The following P3H2 variants were observed in gnomAD, a reference collection of about 807,000 sequenced individuals.
The protein encoded by P3H2 is leprecan-like 1.
P3H2 carries 80 observed loss-of-function variants against 87.0 expected under a neutral mutation model. The ratio of observed to expected loss-of-function variants is 0.92; its 90% confidence interval spans 0.77 to 1.11. The LOEUF (loss-of-function observed/expected upper bound fraction) is 1.11, where lower values mean the gene tolerates loss of function less well. Ranked by LOEUF, P3H2 falls within the 50% of genes least tolerant of loss-of-function variation. P3H2 has a pLI of 0.00. For missense variants in P3H2, 1,001 were observed against 923.9 expected, an observed-to-expected ratio of 1.08 and a Z score of -1.08; for synonymous variants, 367 against 359.3, an observed-to-expected ratio of 1.02 and a Z score of -0.24.
intron 13 of P3H2, chr3:189,969,517 G>A (rs2108906693): frequency 1.7e-6 from 2 of 1,153,826 alleles, no homozygotes; most frequent in Non-Finnish European, 2.6e-6. Context: ...TACTGGTCCT[G>A]TCAATGAACT....
At chr3:189,995,892 T>G (rs1349018657) in intron 1 of P3H2, among the ~76,000 whole-genome samples, 1 of 152,008 alleles carries the variant, frequency 6.6e-6, no homozygotes, top group Non-Finnish European at 1.5e-5. Context: ...GAAATGCAAG[T>G]CAAAATCACA....
intron 1 of P3H2, 26 bp downstream of exon 1, chr3:190,120,226 G>A: frequency 6.2e-7 from 1 of 1,604,570 alleles, no homozygotes; most frequent in Non-Finnish European, 8.5e-7. Context: ...CAGGGGCTTT[G>A]CAGTGGAGGA....
rs765474828 is a variant in P3H2 at position 189,995,316 on chromosome 3, C to T, written c.607G>A (p.Val203Ile). ...ATAGVEALQL[V>I]DREAKPHMES... is the part of the protein sequence containing the mutation. Reference sequence around the variant, plus strand: ...ATGTGTGGCTTGGCTTCTCTGTCTACCAACTGCAATGCTTCAACACCAGCT... The same window carrying T: ...ATGTGTGGCTTGGCTTCTCTGTCTATCAACTGCAATGCTTCAACACCAGCT... Residue 203 changes from valine (V) to isoleucine (I), a missense_variant, in exon 2 of 15, where the codon GTA (valine) becomes ATA (isoleucine). Val to Ile is a conservative substitution (Grantham distance 29). Transcript: ENST00000319332. 1.1e-5 allele frequency: 18 copies of T among 1,613,998 alleles called. No individual in the cohort carries two copies. The Admixed American group carries it at 1.7e-4, about 15-fold the overall frequency.
intron 1 of P3H2, among the ~76,000 whole-genome samples, chr3:190,112,694 G>T (rs1712120033): frequency 1.3e-5 from 2 of 152,176 alleles, no homozygotes; most frequent in South Asian, 4.1e-4. Context: ...AAGAGAAATA[G>T]CTTCTTTCAA....
chr3:189,995,642 C>A (rs1724033241), intron 1 of P3H2, among the ~76,000 whole-genome samples, 200 bp from the exon 2 acceptor site: 1 of 149,860 alleles, frequency 6.7e-6, no homozygotes. Flanking sequence ...GCAAAGAAAG[C>A]AATCAACAGG....
chr3:190,062,725 G>T (rs1425904539), intron 1 of P3H2, among the ~76,000 whole-genome samples: 1 of 152,052 alleles, frequency 6.6e-6, no homozygotes, highest in African/African-American at 2.4e-5. Flanking sequence ...CTGTGGCTTG[G>T]TTTTATCTTC....
At chr3:190,086,538 T>C (rs1044555767) in intron 1 of P3H2, among the ~76,000 whole-genome samples, 3 of 152,162 alleles carry the variant, frequency 2.0e-5, no homozygotes, top group African/African-American at 7.2e-5. Flanking sequence ...TCAGAATTGA[T>C]TAGATCATGG....
At chr3:190,080,604 G>A (rs1057225881) in intron 1 of P3H2, among the ~76,000 whole-genome samples, 1 of 151,980 alleles carries the variant, frequency 6.6e-6, no homozygotes, top group Non-Finnish European at 1.5e-5. Context: ...GTTTTTCCAT[G>A]TTGGTCAGGC....
In P3H2 at chr3:190,102,325, A is replaced by G. The variant is rs560866378; in HGVS notation, c.480+17927T>C. 8.5e-5 allele frequency among the ~76,000 whole-genome samples: 13 copies of G among 152,322 alleles called. No homozygotes were observed. In the Middle Eastern group the frequency reaches 0.014, roughly 159 times the overall value. ...GTGGATCTGGGCAAAGTAAACTGAA[A>G]ACTTTCTGGAAAGGATTTACCATTC... On this transcript the variant is annotated intron_variant, in intron 1 of 14. Transcript: ENST00000319332.
At chr3:189,959,242 T>TTTTATTTATTTA (rs200610953) in intron 14 of P3H2, among the ~76,000 whole-genome samples, 1 of 149,550 alleles carries the variant, frequency 6.7e-6, no homozygotes, top group Non-Finnish European at 1.5e-5. Flanking sequence ...TTTTTTTTTC[T>TTTTATTTATTTA]TTTATTTATT....
At position 190,084,334 on chromosome 3, in the gene P3H2, A is replaced by G. The variant is rs551905770; in HGVS notation, c.480+35918T>C. 1.1e-4 allele frequency among the ~76,000 whole-genome samples: 17 copies of G among 152,372 alleles called. No homozygotes were observed. The South Asian group carries it at 3.3e-3, about 30-fold the overall frequency. ...GCTAAAGAAGAAAATAAGGATGACAATTAATCTGATGATTTCACAAACTTT... is the reference window on the plus strand; with the variant it reads ...GCTAAAGAAGAAAATAAGGATGACAGTTAATCTGATGATTTCACAAACTTT... On this transcript the variant is annotated intron_variant, in intron 1 of 14. Coordinates refer to ENST00000319332, the MANE Select transcript of P3H2 (RefSeq NM_018192.4).
chr3:190,113,307 T>G (rs1394090817), intron 1 of P3H2, among the ~76,000 whole-genome samples: 1 of 152,116 alleles, frequency 6.6e-6, no homozygotes, highest in Non-Finnish European at 1.5e-5. Context: ...CAGGGATAGA[T>G]TTTTTCATGA....
At chr3:189,972,130 G>A in intron 11 of P3H2, 123 bp from the exon 12 acceptor site, 1 of 719,914 alleles carries the variant, frequency 1.4e-6, no homozygotes, top group South Asian at 1.5e-5. Flanking sequence ...CAGACAACAG[G>A]AAAGAACAGA....
At chr3:189,991,821 T>A (rs1383760607) in intron 3 of P3H2, among the ~76,000 whole-genome samples, 2 of 152,362 alleles carry the variant, frequency 1.3e-5, no homozygotes. Context: ...AAACCAGATC[T>A]GTGAGCAGAA....
chr3:190,013,502 T>C (rs1724658341), intron 1 of P3H2, among the ~76,000 whole-genome samples: 1 of 152,248 alleles, frequency 6.6e-6, no homozygotes, highest in East Asian at 1.9e-4. Context: ...AGTCAGCTAC[T>C]GGATGATGGA....
At position 189,987,645 on chromosome 3, in the gene P3H2, T is replaced by C. The variant is rs1158779196; in HGVS notation, c.980A>G (p.Glu327Gly). Residue 327 changes from glutamate to glycine, a missense_variant, in exon 5 of 15, where the codon GAG becomes GGG. Transcript: ENST00000319332. ...GCATAGAAGATAGGCTTTGGCACAC[T>C]CCAGGGCTTTCACATACTCACCAAC... ...YRVGEYVKAL[E>G]CAKAYLLCHP... is the part of the protein sequence containing the mutation. The C allele has an allele frequency of 1.9e-6, 3 of 1,614,066 alleles. No homozygotes were observed. Among genetic ancestry groups the C allele is most frequent in the African/African-American group, 2.7e-5 (2 of 74,922 alleles).
At chr3:190,100,986 T>C (rs1711605136) in intron 1 of P3H2, among the ~76,000 whole-genome samples, 1 of 152,152 alleles carries the variant, frequency 6.6e-6, no homozygotes, top group Non-Finnish European at 1.5e-5. Context: ...AACTTTTTCA[T>C]AGCTACCATT....
chr3:189,995,771 A>T, intron 1 of P3H2, among the ~76,000 whole-genome samples: 1 of 152,158 alleles, frequency 6.6e-6, no homozygotes, highest in South Asian at 2.1e-4. Context: ...CTATAGCAAG[A>T]AAAGAAAGAT....
At chr3:189,994,513 C>G (rs1723984363) in intron 2 of P3H2, among the ~76,000 whole-genome samples, 1 of 152,076 alleles carries the variant, frequency 6.6e-6, no homozygotes, top group Non-Finnish European at 1.5e-5. Context: ...AAATAGATTG[C>G]TATGTGATCA....
Sources: allele counts gnomAD v4.1 joint callset (sites outside exome capture counted in the v4.1 genomes callset), GRCh38; gene constraint gnomAD v4.1.1; transcripts MANE v1.5; gene names NCBI Gene and HGNC (gene_info 2026-07-23, HGNC 2026-07-21).